Variants in RHOV observed in about 807,000 individuals in gnomAD.
RHOV encodes ras homolog family member V.
A neutral mutation model predicts 20.2 loss-of-function variants in RHOV; 6 were observed. The observed-to-expected ratio is 0.30, with a 90% CI of 0.16 to 0.59. The LOEUF is 0.59. Among genes scored for constraint, RHOV ranks in the 20% least tolerant of loss-of-function variants. The pLI, the probability that RHOV is intolerant of heterozygous loss-of-function variation, is 0.89. For synonymous variants in RHOV, 136 were observed against 142.3 expected (o/e 0.96, Z 0.31); for missense variants, 275 against 319.4 (o/e 0.86, Z 1.06).
chr15:40,873,616 A>G (rs954672713), intron 2 of RHOV, 68 bp downstream of exon 2: 1 of 1,591,850 alleles, frequency 6.3e-7, no homozygotes, highest in South Asian at 1.1e-5. Context: ...CATTTGCTCC[A>G]TATGGGGTCC....
intron 1 of RHOV, 82 bp downstream of exon 1, chr15:40,873,850 C>T (rs1470682670): frequency 6.5e-7 from 1 of 1,539,362 alleles, no homozygotes; most frequent in Non-Finnish European, 8.9e-7. Flanking sequence ...TCTGCGCCCT[C>T]CCGCCGAGAC....
chr15:40,873,490 G>C lies in RHOV; in HGVS notation c.279C>G (p.Asp93Glu). ...CCGGGTAGCAAAGGGAACGAAGTCG[G>C]TCAAAATCCTCCTGGGGTGGGAAGG... is the stretch of plus-strand genomic sequence containing the variant. ...LWDTAGQEDF[D>E]RLRSLCYPDT... is the part of the protein sequence containing the mutation. The change falls in exon 3 of 3, where the codon GAC becomes GAG. Residue 93 changes from aspartate (D) to glutamate (E), a missense_variant. Asp to Glu is a conservative substitution (Grantham distance 45). Transcript: ENST00000220507. 1 of 1,594,772 alleles carries C rather than the reference G, an allele frequency of 6.3e-7. No individual in the cohort carries two copies. The highest frequency in any genetic ancestry group is 1.1e-5 in the South Asian group (1 of 88,514).
chr15:40,873,924 G>GT lies in RHOV; in HGVS notation c.208+7dup, dbSNP rs750476968. 1.9e-6 allele frequency: 3 copies of GT among 1,607,058 alleles called. No individual in the cohort carries two copies. Among genetic ancestry groups the GT allele is most frequent in the Non-Finnish European group, 2.5e-6 (3 of 1,176,690 alleles). ...CACGCGGCCGCACGGGCGATTGAAC[G>GT]TACGTACCAGAGAAGGTGTCCAGCG... is the stretch of plus-strand genomic sequence containing the variant. On this transcript the variant is annotated splice_region_variant and intron_variant, in intron 1 of 2. Transcript: ENST00000220507.
chr15:40,873,274 G>C lies in RHOV; in HGVS notation c.495C>G (p.Pro165=). ...IQLDQGGREG[P]VPQPQAQGLA... ...GACCCTGAGCCTGGGGTTGGGGCAC[G>C]GGGCCCTCCCGGCCCCCCTGGTCCA... The change falls in exon 3 of 3, where the codon CCC becomes CCG. Residue 165 remains proline, a synonymous_variant. Transcript: ENST00000220507. 5 of 1,614,036 alleles carry C rather than the reference G, an allele frequency of 3.1e-6. No homozygotes were observed. Among genetic ancestry groups the C allele is most frequent in the Non-Finnish European group, 4.2e-6 (5 of 1,180,026 alleles).
Position 40,873,373 on chromosome 15 carries a change from G to C in RHOV, c.396C>G (p.His132Gln). ...TEKWLPEIRT[H>Q]NPQAPVLLVG... is the part of the protein sequence containing the mutation. ...CCAGCAGCACAGGCGCCTGGGGGTT[G>C]TGCGTGCGGATCTCGGGCAGCCATT... is the stretch of plus-strand genomic sequence containing the variant. Residue 132 changes from histidine to glutamine, a missense_variant, in exon 3 of 3, where the codon CAC becomes CAG. Coordinates refer to ENST00000220507, the MANE Select transcript of RHOV (RefSeq NM_133639.4). 6.2e-7 allele frequency: 1 copy of C among 1,613,334 alleles called. No homozygotes were observed. Among genetic ancestry groups the C allele is most frequent in the Non-Finnish European group, 8.5e-7 (1 of 1,179,994 alleles).
rs1484793617 is a variant in RHOV, at chr15:40,873,592, C to A, written c.268-91G>T. 3.8e-6 allele frequency: 6 copies of A among 1,584,650 alleles called. No homozygotes were observed. The African/African-American group carries it at 8.1e-5, about 21-fold the overall frequency. ...GGCTGGAAACCTGAGACTCCAAGAG[C>A]CCAAGGCTTTCTCCATTTGCTCCAT... On this transcript the variant is annotated intron_variant, in intron 2 of 2. Transcript: ENST00000220507.
chr15:40,872,719 A>T lies in RHOV; in HGVS notation c.*339T>A. 1 of 244,700 alleles carries T rather than the reference A, an allele frequency of 4.1e-6. No homozygotes were observed. The highest frequency in any genetic ancestry group is 9.0e-5 in the East Asian group (1 of 11,168). 15.2% of individuals were successfully genotyped at this position (244,700 alleles called of 1,614,324 possible). A position where few individuals can be genotyped will look rare whatever the true frequency, so the allele number is the denominator to read the frequency against. ...CACCCCTGTGCCAAGGAAGGGTCCT[A>T]ATTCAGCCAGGCTGACCTGAGGGCC... is the stretch of plus-strand genomic sequence containing the variant. On this transcript the variant is annotated 3_prime_UTR_variant, in exon 3 of 3. Transcript: ENST00000220507.
chr15:40,873,550 A>T, intron 2 of RHOV, 49 bp from the exon 3 acceptor site: 1 of 1,591,198 alleles, frequency 6.3e-7, no homozygotes, highest in Non-Finnish European at 8.6e-7. Flanking sequence ...GACACATGGA[A>T]TCCATTTCTC....
Position 40,872,934 on chromosome 15 carries a change from C to G in RHOV, c.*124G>C. On this transcript the variant is annotated 3_prime_UTR_variant, in exon 3 of 3. Transcript: ENST00000220507. ...TAGAGGCCCATGTCCCCCGAGTGTT[C>G]AGAAGGGAACTGAGTCCTATGAGGT... The G allele has an allele frequency of 1.4e-6, 1 of 698,470 alleles. No individual in the cohort carries two copies. The highest frequency in any genetic ancestry group is 2.5e-6 in the Non-Finnish European group (1 of 401,958). The allele number at this position is 698,470 out of a possible 1,614,324, so 43.3% of individuals were successfully genotyped here.
In RHOV at chr15:40,873,913, G is replaced by T. The variant is rs769619024; in HGVS notation, c.208+19C>A. 2.5e-6 allele frequency: 4 copies of T among 1,600,464 alleles called. No homozygotes were observed. The Admixed American group carries it at 6.9e-5, about 27-fold the overall frequency. On this transcript the variant is annotated intron_variant, in intron 1 of 2. Coordinates refer to ENST00000220507, the MANE Select transcript of RHOV (RefSeq NM_133639.4). ...CCCGCCGCAGCCACGCGGCCGCACGGGCGATTGAACGTACGTACCAGAGAA... is the reference window on the plus strand; with the variant it reads ...CCCGCCGCAGCCACGCGGCCGCACGTGCGATTGAACGTACGTACCAGAGAA...
chr15:40,873,172 G>A lies in RHOV; in HGVS notation c.597C>T (p.Asp199=), dbSNP rs1891909915. The change falls in exon 3 of 3, where the codon GAC becomes GAT. Residue 199 remains aspartate, a synonymous_variant. Transcript: ENST00000220507. ...LTQKNLKEVF[D]SAILSAIEHK... The stretch of plus-strand genomic sequence containing the variant: ...GCTCAATGGCACTGAGAATAGCCGA[G>A]TCAAATACTTCCTTCAAGTTCTTCT... 1 of 1,614,262 alleles carries A rather than the reference G, an allele frequency of 6.2e-7. No individual in the cohort carries two copies. The highest frequency in any genetic ancestry group is 1.1e-5 in the South Asian group (1 of 91,092).
rs1891924991 is a variant in RHOV at position 40,873,965 on chromosome 15, G to C, written c.175C>G (p.Arg59Gly). The change falls in exon 1 of 3, where the codon CGC (arginine) becomes GGC (glycine). Residue 59 changes from arginine to glycine, a missense_variant. Transcript: ENST00000220507. The part of the protein sequence containing the change: ...VSYTCNGYPA[R>G]YRPTALDTFS... The stretch of plus-strand genomic sequence containing the variant: ...GTGTCCAGCGCAGTGGGCCGGTAGC[G>C]CGCGGGGTACCCATTGCAGGTGTAG... 6.2e-7 allele frequency: 1 copy of C among 1,611,074 alleles called. No homozygotes were observed.
In RHOV at chr15:40,873,693, T is replaced by A; in HGVS notation, c.258A>T (p.Thr86=). 7 of 1,614,042 alleles carry A rather than the reference T, an allele frequency of 4.3e-6. No individual in the cohort carries two copies. Among genetic ancestry groups the A allele is most frequent in the Non-Finnish European group, 5.9e-6 (7 of 1,180,020 alleles). ...GAPVRIELWD[T]AGQEDFDRLR... ...GCGCCCAGCTTCTCACCTGTCCCGC[T>A]GTGTCCCAGAGCTCAATGCGCACCG... Residue 86 remains threonine, a synonymous_variant, in exon 2 of 3, where the codon ACA becomes ACT. Coordinates refer to ENST00000220507, the MANE Select transcript of RHOV (RefSeq NM_133639.4).
Position 40,874,185 on chromosome 15 carries a change from C to T in RHOV, c.-46G>A. On this transcript the variant is annotated 5_prime_UTR_variant, in exon 1 of 3. Transcript: ENST00000220507. Reference sequence around the variant, plus strand: ...GAGGGGCCAGCCCGGGTCTCGGCTTCGCTGCGCTCGGTGAAGCAGGTCCCG... The same window carrying T: ...GAGGGGCCAGCCCGGGTCTCGGCTTTGCTGCGCTCGGTGAAGCAGGTCCCG... The T allele has an allele frequency of 8.5e-6, 7 of 828,398 alleles. No homozygotes were observed. Among genetic ancestry groups the T allele is most frequent in the East Asian group, 3.4e-5 (1 of 29,274 alleles). The allele number at this position is 828,398 out of a possible 1,614,324, so 51.3% of individuals were successfully genotyped here.
In RHOV at chr15:40,874,088, T is replaced by A; in HGVS notation, c.52A>T (p.Thr18Ser). The A allele has an allele frequency of 6.7e-7, 1 of 1,485,068 alleles. No individual in the cohort carries two copies. The highest frequency in any genetic ancestry group is 8.9e-7 in the Non-Finnish European group (1 of 1,121,872). The allele number at this position is 1,485,068 out of a possible 1,614,324, so 92.0% of individuals were successfully genotyped here. The stretch of plus-strand genomic sequence containing the variant: ...GCGCTACGCCGCCGCGGGGGAGGGG[T>A]CGGGGCCCGGAGCGGGGGCGGCTCG... ...EAEPPPLRAP[T>S]PPPRRRSAPP... The change falls in exon 1 of 3, where the codon ACC (threonine) becomes TCC (serine). Residue 18 changes from threonine (T) to serine (S), a missense_variant. Coordinates refer to ENST00000220507, the MANE Select transcript of RHOV (RefSeq NM_133639.4).
At position 40,874,118 on chromosome 15, in the gene RHOV, C is replaced by T; in HGVS notation, c.22G>A (p.Glu8Lys). The change falls in exon 1 of 3, where the codon GAG becomes AAG. Residue 8 changes from glutamate (E) to lysine (K), a missense_variant. Glu to Lys is a moderately conservative substitution (Grantham distance 56). Transcript: ENST00000220507. MPPRELS[E>K]AEPPPLRAPT... ...GCCCGGAGCGGGGGCGGCTCGGCCTCGCTCAGCTCCCGCGGCGGCATGGCC... is the reference window on the plus strand; with the variant it reads ...GCCCGGAGCGGGGGCGGCTCGGCCTTGCTCAGCTCCCGCGGCGGCATGGCC... 7.3e-7 allele frequency: 1 copy of T among 1,365,342 alleles called. No homozygotes were observed. Among genetic ancestry groups the T allele is most frequent in the South Asian group, 1.7e-5 (1 of 57,526 alleles). 84.6% of individuals were successfully genotyped at this position (1,365,342 alleles called of 1,614,324 possible). A position where few individuals can be genotyped will look rare whatever the true frequency, so the allele number is the denominator to read the frequency against.
Position 40,873,432 on chromosome 15 carries a change from C to T in RHOV, c.337G>A (p.Val113Met). ...TDVFLACFSVVQPSSFQNITE... is the reference protein window; with the variant it reads ...TDVFLACFSVMQPSSFQNITE... Reference sequence around the variant, plus strand: ...ATGTTTTGAAAGGAGCTGGGCTGCACCACGCTGAAGCACGCCAGGAAGACA... The same window carrying T: ...ATGTTTTGAAAGGAGCTGGGCTGCATCACGCTGAAGCACGCCAGGAAGACA... The change falls in exon 3 of 3, where the codon GTG (valine) becomes ATG (methionine). Residue 113 changes from valine to methionine, a missense_variant. By Grantham distance (21) the Val-to-Met change is conservative. Transcript: ENST00000220507. 1.1e-5 allele frequency: 17 copies of T among 1,611,056 alleles called. No homozygotes were observed. The highest frequency in any genetic ancestry group is 1.4e-5 in the Non-Finnish European group (17 of 1,178,944).
chr15:40,873,970 G>C lies in RHOV; in HGVS notation c.170C>G (p.Pro57Arg). ...LIVSYTCNGY[P>R]ARYRPTALDT... ...CAGCGCAGTGGGCCGGTAGCGCGCG[G>C]GGTACCCATTGCAGGTGTAGCTGAC... The change falls in exon 1 of 3, where the codon CCC (proline) becomes CGC (arginine). Residue 57 changes from proline to arginine, a missense_variant. By Grantham distance (103) the Pro-to-Arg change is moderately radical (BLOSUM62 -2). Coordinates refer to ENST00000220507, the MANE Select transcript of RHOV (RefSeq NM_133639.4). 6.2e-7 allele frequency: 1 copy of C among 1,611,386 alleles called. No individual in the cohort carries two copies. The highest frequency in any genetic ancestry group is 8.5e-7 in the Non-Finnish European group (1 of 1,179,208).
chr15:40,873,270 G>A lies in RHOV; in HGVS notation c.499C>T (p.Pro167Ser), dbSNP rs553339259. 92 of 1,614,048 alleles carry A rather than the reference G, an allele frequency of 5.7e-5. 1 individual carries two copies. In the South Asian group the frequency reaches 9.6e-4, roughly 17 times the overall value. The change falls in exon 3 of 3, where the codon CCC becomes TCC. Residue 167 changes from proline to serine, a missense_variant. Coordinates refer to ENST00000220507, the MANE Select transcript of RHOV (RefSeq NM_133639.4). ...LDQGGREGPV[P>S]QPQAQGLAEK... is the part of the protein sequence containing the mutation. ...GCCAGACCCTGAGCCTGGGGTTGGG[G>A]CACGGGGCCCTCCCGGCCCCCCTGG...
Sources: gnomAD v4.1 joint callset for allele counts on GRCh38, gnomAD v4.1.1 for gene constraint, MANE v1.5 for transcripts, NCBI Gene and HGNC (gene_info 2026-07-23, HGNC 2026-07-21) for gene names.